The following CHST8 variants were observed in gnomAD, a reference collection of about 807,000 sequenced individuals.
The protein encoded by CHST8 is carbohydrate sulfotransferase 8.
CHST8 carries 10 observed loss-of-function variants against 15.0 expected under a neutral mutation model. The ratio of observed to expected loss-of-function variants is 0.67; its 90% confidence interval spans 0.41 to 1.13. The LOEUF (loss-of-function observed/expected upper bound fraction) is 1.13, where lower values mean the gene tolerates loss of function less well. Ranked by LOEUF, CHST8 falls within the 50% of genes most tolerant of loss-of-function variation. CHST8 has a pLI of 0.00. For synonymous variants in CHST8, 259 were observed against 256.6 expected, an observed-to-expected ratio of 1.01 and a Z score of -0.09; for missense variants, 634 against 608.2, an observed-to-expected ratio of 1.04 and a Z score of -0.45.
At chr19:33,635,587 C>T (rs1015685651) in intron 1 of CHST8, among the ~76,000 whole-genome samples, 1 of 152,088 alleles carries the variant, frequency 6.6e-6, no homozygotes. Flanking sequence ...GAGGGAGGCC[C>T]AGGCTAGGCC....
chr19:33,747,666 G>C (rs949568605), intron 3 of CHST8, among the ~76,000 whole-genome samples: 1 of 152,130 alleles, frequency 6.6e-6, no homozygotes, highest in Admixed American at 6.5e-5. Flanking sequence ...GTCCAAGAGG[G>C]GCAAAGAGGG....
chr19:33,724,975 G>A (rs1973866855), intron 3 of CHST8, among the ~76,000 whole-genome samples: 1 of 152,224 alleles, frequency 6.6e-6, no homozygotes, highest in Admixed American at 6.5e-5. Flanking sequence ...GGGTTGGGGA[G>A]GGAGTGAGGG....
intron 3 of CHST8, among the ~76,000 whole-genome samples, chr19:33,763,901 T>C (rs1599638328): frequency 6.6e-6 from 1 of 151,964 alleles, no homozygotes; most frequent in Non-Finnish European, 1.5e-5. Context: ...TGTGGCCCGG[T>C]CCCAAAGCAG....
At chr19:33,646,873 C>G (rs1036698058) in intron 1 of CHST8, among the ~76,000 whole-genome samples, 10 of 152,200 alleles carry the variant, frequency 6.6e-5, no homozygotes, top group African/African-American at 2.4e-4. Context: ...CAAGATCGCT[C>G]CCTTGCACTC....
chr19:33,743,494 G>C (rs796789171), intron 3 of CHST8, among the ~76,000 whole-genome samples: 5 of 151,954 alleles, frequency 3.3e-5, no homozygotes, highest in African/African-American at 1.2e-4. Context: ...GTAGAGACGG[G>C]ATTTCACCGT....
intron 3 of CHST8, among the ~76,000 whole-genome samples, chr19:33,702,953 T>C (rs945557558): frequency 2.0e-5 from 3 of 152,204 alleles, no homozygotes; most frequent in Non-Finnish European, 2.9e-5. Flanking sequence ...TGGGGAGGGA[T>C]GCCACATGGC....
intron 3 of CHST8, 93 bp downstream of exon 3, chr19:33,689,484 G>A: frequency 7.2e-7 from 1 of 1,382,116 alleles, no homozygotes; most frequent in South Asian, 1.6e-5. Flanking sequence ...CTGGGCTTGG[G>A]GGAAAGGGGC....
At chr19:33,757,522 G>A (rs10649263) in intron 3 of CHST8, among the ~76,000 whole-genome samples, 85 of 21,088 alleles carry the variant, frequency 4.0e-3, no homozygotes, top group African/African-American at 0.019. Context: ...AAGAAAGAAA[G>A]AGAAAGAAAG....
intron 3 of CHST8, among the ~76,000 whole-genome samples, chr19:33,696,376 C>T (rs573654339): frequency 2.6e-5 from 4 of 151,886 alleles, no homozygotes; most frequent in African/African-American, 7.3e-5. Flanking sequence ...GAGTGGTGCG[C>T]GAGCTATCAA....
intron 3 of CHST8, among the ~76,000 whole-genome samples, chr19:33,709,336 T>A (rs1343180639): frequency 2.0e-5 from 3 of 152,212 alleles, no homozygotes; most frequent in Admixed American, 1.3e-4. Context: ...CCAATAAGTA[T>A]AATGGTTGCT....
At chr19:33,678,334 A>G (rs977452896) in intron 2 of CHST8, among the ~76,000 whole-genome samples, 2 of 152,166 alleles carry the variant, frequency 1.3e-5, no homozygotes, top group African/African-American at 4.8e-5. Flanking sequence ...CTGTTTTTCC[A>G]CAGAGCATCC....
chr19:33,702,588 AG>A (rs1973362355), intron 3 of CHST8, among the ~76,000 whole-genome samples: 1 of 152,228 alleles, frequency 6.6e-6, no homozygotes, highest in African/African-American at 2.4e-5. Context: ...GGGCCTGGGC[AG>A]GGTCCAGGAG....
intron 1 of CHST8, among the ~76,000 whole-genome samples, chr19:33,662,891 T>A (rs1242709873): frequency 1.3e-5 from 2 of 152,216 alleles, no homozygotes; most frequent in Admixed American, 6.5e-5. Context: ...CCACATTCCT[T>A]TTTTAAAAGT....
intron 3 of CHST8, among the ~76,000 whole-genome samples, chr19:33,690,348 G>GCT (rs1256051940): frequency 3.9e-5 from 6 of 152,282 alleles, no homozygotes; most frequent in African/African-American, 1.4e-4. Context: ...GTAGGCAGAG[G>GCT]GGTTGCTGCG....
chr19:33,702,779 C>T (rs1266130262), intron 3 of CHST8, among the ~76,000 whole-genome samples: 5 of 152,224 alleles, frequency 3.3e-5, no homozygotes, highest in African/African-American at 9.6e-5. Flanking sequence ...GGAGTGACCC[C>T]GTTCCCACTC....
chr19:33,686,794 C>T (rs1472130396), intron 2 of CHST8, among the ~76,000 whole-genome samples: 1 of 152,220 alleles, frequency 6.6e-6, no homozygotes, highest in East Asian at 1.9e-4. Context: ...CCAGCTGGGG[C>T]CTTGCTGGGG....
intron 1 of CHST8, among the ~76,000 whole-genome samples, chr19:33,652,179 C>CT (rs891162430): frequency 4.0e-5 from 6 of 151,294 alleles, no homozygotes; most frequent in African/African-American, 9.7e-5. Context: ...CCCATCAATG[C>CT]TTTTTTTTGG....
chr19:33,657,239 A>G (rs1247905066), intron 1 of CHST8, among the ~76,000 whole-genome samples: 1 of 151,124 alleles, frequency 6.6e-6, no homozygotes, highest in Non-Finnish European at 1.5e-5. Flanking sequence ...ACATACACAC[A>G]CATATATATA....
chr19:33,634,870 G>A (rs920044987), intron 1 of CHST8, among the ~76,000 whole-genome samples: 2 of 151,992 alleles, frequency 1.3e-5, no homozygotes, highest in Non-Finnish European at 2.9e-5. Context: ...GCCGTGGTGA[G>A]GGCTCTGGAA....
Sources: allele counts gnomAD v4.1 joint callset (sites outside exome capture counted in the v4.1 genomes callset), GRCh38; gene constraint gnomAD v4.1.1; transcripts MANE v1.5; gene names NCBI Gene and HGNC (gene_info 2026-07-23, HGNC 2026-07-21).